BRWD1: variants seen among roughly 807,000 people sequenced by gnomAD.
BRWD1 encodes bromodomain and WD repeat-containing protein 1.
In BRWD1, 82 loss-of-function variants were observed where a neutral mutation model predicts 251.2. The observed-to-expected ratio is 0.33, with a 90% CI of 0.27 to 0.39. The LOEUF is 0.39. Ranked by LOEUF, BRWD1 falls within the 10% of genes least tolerant of loss-of-function variation. BRWD1 has a pLI of 1.00. For missense variants in BRWD1, 2,233 were observed against 2,711.6 expected, an observed-to-expected ratio of 0.82 and a Z score of 3.92; for synonymous variants, 918 against 902.8, an observed-to-expected ratio of 1.02 and a Z score of -0.30.
At chr21:39,221,597 G>A (rs2033179416) in intron 29 of BRWD1, among the ~76,000 whole-genome samples, 1 of 152,174 alleles carries the variant, frequency 6.6e-6, no homozygotes, top group Non-Finnish European at 1.5e-5. Context: ...AAGAAATTAT[G>A]ATATCCCAAA....
chr21:39,283,139 T>C (rs1030285686), intron 8 of BRWD1, among the ~76,000 whole-genome samples: 1 of 152,192 alleles, frequency 6.6e-6, no homozygotes, highest in African/African-American at 2.4e-5. Context: ...CTCTAAAACA[T>C]TTTTATATCT....
Position 39,215,280 on chromosome 21 carries a change from T to C in BRWD1, c.3742A>G (p.Arg1248Gly). ...TGGTCAGTTATCTTTTTAGCTGATCTTGCAATTACACTCTCAGGTTCGTTA... is the reference window on the plus strand; with the variant it reads ...TGGTCAGTTATCTTTTTAGCTGATCCTGCAATTACACTCTCAGGTTCGTTA... The part of the protein sequence containing the change: ...TFNEPESVIA[R>G]SAKKITDQLL... Residue 1248 changes from arginine (R) to glycine (G), a missense_variant, in exon 32 of 41, where the codon AGA (arginine) becomes GGA (glycine). Physicochemically the swap from Arg to Gly is moderately radical, Grantham distance 125. This residue lies in a region of BRWD1 where 167 missense variants were observed against 183.2 expected (regional missense o/e 0.91). Transcript: ENST00000342449. The C allele has an allele frequency of 1.2e-6, 2 of 1,612,820 alleles. No individual in the cohort carries two copies. Among genetic ancestry groups the C allele is most frequent in the Non-Finnish European group, 1.7e-6 (2 of 1,178,870 alleles).
intron 8 of BRWD1, among the ~76,000 whole-genome samples, chr21:39,283,219 C>T (rs904734860): frequency 6.6e-6 from 1 of 152,112 alleles, no homozygotes; most frequent in Non-Finnish European, 1.5e-5. Flanking sequence ...TTTAAATGAG[C>T]TTGATTGGCT....
At chr21:39,317,941 T>G (rs1038983269), upstream of BRWD1, among the ~76,000 whole-genome samples, 2 of 152,046 alleles carry the variant, frequency 1.3e-5, no homozygotes, top group Non-Finnish European at 2.9e-5. Context: ...TTTGAGCTAT[T>G]TGGGGAGACT....
chr21:39,312,285 G>A (rs1184296509), intron 4 of BRWD1, among the ~76,000 whole-genome samples: 1 of 152,242 alleles, frequency 6.6e-6, no homozygotes, highest in Non-Finnish European at 1.5e-5. Context: ...ATATTGTACA[G>A]TAGAAAGGAG....
At position 39,191,457 on chromosome 21, in the gene BRWD1, T is replaced by A; in HGVS notation, c.*4802A>T. On this transcript the variant is annotated 3_prime_UTR_variant, in exon 41 of 41. Coordinates refer to ENST00000342449, the MANE Select transcript of BRWD1 (RefSeq NM_033656.4). ...AGATGAAAATGCTAAATTTATTATA[T>A]CCCATTTAAGAACTGACAAAAATCA... is the stretch of plus-strand genomic sequence containing the variant. 2 of 982,638 alleles carry A rather than the reference T, an allele frequency of 2.0e-6. No homozygotes were observed. Among genetic ancestry groups the A allele is most frequent in the Non-Finnish European group, 2.4e-6 (2 of 827,458 alleles). 60.9% of individuals were successfully genotyped at this position (982,638 alleles called of 1,614,324 possible).
intron 8 of BRWD1, among the ~76,000 whole-genome samples, chr21:39,281,841 C>T (rs7278985): frequency 0.6 from 91,301 of 151,204 alleles, 27,772 homozygotes; most frequent in Admixed American, 0.66. Context: ...GCACTCCAGC[C>T]GGGACAACAC....
At chr21:39,285,426 A>G (rs1055873602) in intron 8 of BRWD1, among the ~76,000 whole-genome samples, 3 of 152,218 alleles carry the variant, frequency 2.0e-5, no homozygotes, top group Admixed American at 6.5e-5. Flanking sequence ...AGGTGAGTAC[A>G]GCAAATAACA....
chr21:39,270,730 C>A (rs1334623045), intron 13 of BRWD1, among the ~76,000 whole-genome samples: 1 of 152,174 alleles, frequency 6.6e-6, no homozygotes, highest in Admixed American at 6.5e-5. Context: ...CTATTATTTC[C>A]TTCTTCTGAA....
chr21:39,235,173 C>T (rs1470936772), intron 23 of BRWD1, among the ~76,000 whole-genome samples: 1 of 152,144 alleles, frequency 6.6e-6, no homozygotes, highest in Non-Finnish European at 1.5e-5. Flanking sequence ...CACTTGAACC[C>T]AGGAGGCAGA....
chr21:39,298,734 C>G (rs139611733), intron 4 of BRWD1, 152 bp from the exon 5 acceptor site: 1 of 562,048 alleles, frequency 1.8e-6, no homozygotes, highest in East Asian at 3.4e-5. Flanking sequence ...AAACAATAAG[C>G]TGATCTACAG....
chr21:39,236,640 T>A lies in BRWD1; in HGVS notation c.2721A>T (p.Pro907=), dbSNP rs1218827434. 1.2e-6 allele frequency: 2 copies of A among 1,612,320 alleles called. No individual in the cohort carries two copies. Among genetic ancestry groups the A allele is most frequent in the African/African-American group, 2.7e-5 (2 of 74,960 alleles). ...DEISTENLSP[P]KRRRKRKKEN... is the part of the protein sequence containing the mutation. ...CTTTCTTTCTCTTTCGTCTTCTTTT[T>A]GGAGGAGATAAATTCTCAGTAGATA... The change falls in exon 23 of 41, where the codon CCA becomes CCT. Residue 907 remains proline, a synonymous_variant. Transcript: ENST00000342449.
At chr21:39,229,267 G>A (rs762329981) in intron 26 of BRWD1, 45 bp downstream of exon 26, 2 of 1,502,196 alleles carry the variant, frequency 1.3e-6, no homozygotes, top group Admixed American at 1.8e-5. Context: ...CAGCAAAATG[G>A]CAAATTTAAA....
intron 15 of BRWD1, among the ~76,000 whole-genome samples, chr21:39,267,939 A>G (rs767201956): frequency 9.9e-5 from 15 of 152,230 alleles, no homozygotes; most frequent in Non-Finnish European, 1.9e-4. Flanking sequence ...TAAGATTACA[A>G]AACTATGTGC....
chr21:39,312,977 GC>G lies in BRWD1; in HGVS notation c.139-78del, dbSNP rs1568986270. On this transcript the variant is annotated intron_variant, in intron 3 of 40. Coordinates refer to ENST00000342449, the MANE Select transcript of BRWD1 (RefSeq NM_033656.4). ...GCGGGGGGCGGGGGGCCGGGGGCGG[GC>G]GGCGGGCGGCGGGCGGGGGGCGCGG... 3.3e-5 allele frequency: 15 copies of G among 459,374 alleles called. 1 individual carries two copies. Among genetic ancestry groups the G allele is most frequent in the Non-Finnish European group, 4.1e-5 (15 of 363,388 alleles). The allele number at this position is 459,374 out of a possible 1,614,324, so 28.5% of individuals were successfully genotyped here.
intron 8 of BRWD1, among the ~76,000 whole-genome samples, chr21:39,291,787 CCT>C (rs2035815282): frequency 6.6e-6 from 1 of 152,122 alleles, no homozygotes; most frequent in Non-Finnish European, 1.5e-5. Context: ...ATCTGCACAC[CCT>C]GTGCTCCATC....
Position 39,270,421 on chromosome 21 carries a change from G to C in BRWD1, c.1257C>G (p.Ser419=), listed in dbSNP as rs7282000. Residue 419 remains serine, a synonymous_variant, in exon 14 of 41, where the codon TCC becomes TCG. Coordinates refer to ENST00000342449, the MANE Select transcript of BRWD1 (RefSeq NM_033656.4). ...TAGGTTTCATAAACCTTTCCTCTTC[G>C]GAAGATAAGTCCCTAACAAAAAAAT... The part of the protein sequence containing the change: ...MATRISGDLS[S]EEERFMKPKV... 1 of 1,605,176 alleles carries C rather than the reference G, an allele frequency of 6.2e-7. No homozygotes were observed. Among genetic ancestry groups the C allele is most frequent in the African/African-American group, 1.3e-5 (1 of 74,456 alleles).
chr21:39,303,426 G>T (rs2036182814), intron 4 of BRWD1, among the ~76,000 whole-genome samples: 1 of 148,656 alleles, frequency 6.7e-6, no homozygotes, highest in East Asian at 2.0e-4. Flanking sequence ...GGCTGAGGCA[G>T]GAGAATCGCT....
chr21:39,235,330 C>G (rs1360423358), intron 23 of BRWD1: 1 of 152,150 alleles, frequency 6.6e-6, no homozygotes, highest in Non-Finnish European at 1.5e-5. Flanking sequence ...GTTTTGTCTC[C>G]AAGACCTTAA....
Sources: gnomAD v4.1 joint callset for allele counts (sites outside exome capture counted in the v4.1 genomes callset) on GRCh38, gnomAD v4.1.1 for gene constraint, gnomAD v4.1.1 regional missense constraint, MANE v1.5 for transcripts, NCBI Gene and HGNC (gene_info 2026-07-23, HGNC 2026-07-21) for gene names.